The following TAFA1 variants were observed in gnomAD, a reference collection of about 807,000 sequenced individuals.
The protein encoded by TAFA1 is TAFA chemokine like family member 1.
In TAFA1, 4 loss-of-function variants were observed where a neutral mutation model predicts 18.5. The ratio of observed to expected loss-of-function variants is 0.22; its 90% CI spans 0.11 to 0.49. The LOEUF is 0.49. TAFA1 is among the 20% of genes least tolerant of loss of function. TAFA1 has a pLI of 0.98. For synonymous variants in TAFA1, 56 were observed against 55.2 expected (o/e 1.01, Z -0.06); for missense variants, 147 against 169.0 (o/e 0.87, Z 0.72).
At chr3:67,996,921 T>C in the TAFA1 span, among the ~76,000 whole-genome samples, 9 of 152,250 alleles carry the variant, frequency 5.9e-5, no homozygotes, top group African/African-American at 1.9e-4. Flanking sequence ...TAGAGAAATA[T>C]GACACAGAAC....
intron 2 of TAFA1, among the ~76,000 whole-genome samples, chr3:68,256,209 G>A (rs2067295085): frequency 6.6e-6 from 1 of 152,108 alleles, no homozygotes. Flanking sequence ...TCTGGAGGGA[G>A]GTCCTAGTGC....
intron 2 of TAFA1, among the ~76,000 whole-genome samples, chr3:68,331,393 C>T (rs985965309): frequency 6.6e-6 from 1 of 152,068 alleles, no homozygotes; most frequent in Non-Finnish European, 1.5e-5. Context: ...TGTGAATGTA[C>T]TAAATGCCAC....
intron 2 of TAFA1, among the ~76,000 whole-genome samples, chr3:68,323,515 C>G (rs1276413401): frequency 2.6e-5 from 4 of 152,160 alleles, no homozygotes; most frequent in African/African-American, 9.7e-5. Context: ...ATTCTCTGCC[C>G]AAAAGGTTTT....
chr3:68,171,698 G>A (rs2066055861), intron 2 of TAFA1, among the ~76,000 whole-genome samples: 1 of 152,094 alleles, frequency 6.6e-6, no homozygotes, highest in South Asian at 2.1e-4. Flanking sequence ...AAAGAATTGT[G>A]GAGAGTATGA....
At chr3:68,008,047 G>C (rs1704398119) in intron 2 of TAFA1, among the ~76,000 whole-genome samples, 1 of 152,232 alleles carries the variant, frequency 6.6e-6, no homozygotes, top group Admixed American at 6.5e-5. Flanking sequence ...GGGCTGGCTT[G>C]TGCTAGGGGC....
chr3:68,419,382 A>C (rs114184520), intron 3 of TAFA1, among the ~76,000 whole-genome samples: 2 of 152,264 alleles, frequency 1.3e-5, no homozygotes, highest in African/African-American at 4.8e-5. Flanking sequence ...ATAGTGTTCC[A>C]TTCATCCTAT....
At chr3:68,275,176 A>G (rs2067769938) in intron 2 of TAFA1, among the ~76,000 whole-genome samples, 1 of 152,176 alleles carries the variant, frequency 6.6e-6, no homozygotes, top group African/African-American at 2.4e-5. Flanking sequence ...GCAGTGAACT[A>G]GAAAGCAAGA....
intron 2 of TAFA1, among the ~76,000 whole-genome samples, chr3:68,236,122 C>T (rs1293729220): frequency 2.0e-5 from 3 of 152,090 alleles, no homozygotes; most frequent in Non-Finnish European, 2.9e-5. Context: ...CCTTGTTATA[C>T]AAAGTTGATG....
chr3:68,402,275 G>A (rs895010180), intron 2 of TAFA1, among the ~76,000 whole-genome samples: 2 of 152,174 alleles, frequency 1.3e-5, no homozygotes, highest in South Asian at 2.1e-4. Flanking sequence ...TGCCTGGAGA[G>A]GGTCTGTTAA....
At chr3:68,392,357 A>G (rs1325364430) in intron 2 of TAFA1, among the ~76,000 whole-genome samples, 1 of 152,134 alleles carries the variant, frequency 6.6e-6, no homozygotes, top group Admixed American at 6.6e-5. Context: ...CCAGATTCAT[A>G]AAGCAAGTCC....
intron 2 of TAFA1, among the ~76,000 whole-genome samples, chr3:68,378,254 G>A (rs895668173): frequency 2.2e-4 from 34 of 152,192 alleles, no homozygotes; most frequent in South Asian, 1.0e-3. Flanking sequence ...TGCCATGGCT[G>A]TGTGAGCTCA....
intron 2 of TAFA1, among the ~76,000 whole-genome samples, chr3:68,028,325 C>CA (rs999400050): frequency 2.7e-5 from 4 of 150,232 alleles, no homozygotes; most frequent in Admixed American, 6.6e-5. Context: ...CAAAACAAAA[C>CA]AAAAAAGTAT....
At chr3:68,169,046 G>A (rs1467144950) in intron 2 of TAFA1, among the ~76,000 whole-genome samples, 6 of 152,140 alleles carry the variant, frequency 3.9e-5, no homozygotes, top group Admixed American at 1.3e-4. Context: ...CAGTGTCTTA[G>A]ACAAAATAGA....
chr3:68,120,237 CTTTCTTTCTTTCTTT>C (rs2065380788), intron 2 of TAFA1, among the ~76,000 whole-genome samples: 2 of 100,600 alleles, frequency 2.0e-5, no homozygotes, highest in Non-Finnish European at 4.1e-5. Flanking sequence ...TTCTTTCTTT[CTTTCTTTCTTTCTTT>C]CTTTCTTTCT....
chr3:68,423,794 G>A (rs1031578507), intron 3 of TAFA1, among the ~76,000 whole-genome samples: 3 of 150,556 alleles, frequency 2.0e-5, no homozygotes, highest in Non-Finnish European at 4.4e-5. Context: ...GGGGTGGGGG[G>A]CATTTAACTA....
Position 68,231,408 on chromosome 3 carries a change from C to T in TAFA1, c.119-185872C>T, listed in dbSNP as rs918639198. Among the ~76,000 whole-genome samples the T allele has an allele frequency of 1.1e-4, 14 of 127,454 alleles. No individual in the cohort carries two copies. In the South Asian group the frequency reaches 1.2e-3, roughly 11 times the overall value. The allele number at this position is 127,454 out of a possible 152,430, so 83.6% of individuals were successfully genotyped here. ...TCGCTCTGTCGCCCAGGCCGGACTG[C>T]GGACTGCAGTGGCGCAATCTCGGCT... On this transcript the variant is annotated intron_variant, in intron 2 of 4. Transcript: ENST00000478136.
At chr3:68,393,624 G>A (rs2070309140) in intron 2 of TAFA1, among the ~76,000 whole-genome samples, 2 of 152,062 alleles carry the variant, frequency 1.3e-5, no homozygotes, top group African/African-American at 4.8e-5. Context: ...ATAATATACT[G>A]ACAGACCGAA....
At chr3:68,304,887 CA>C (rs1310360761) in intron 2 of TAFA1, among the ~76,000 whole-genome samples, 10 of 152,170 alleles carry the variant, frequency 6.6e-5, no homozygotes, top group African/African-American at 2.4e-4. Flanking sequence ...GTGGGCCAGG[CA>C]AAAGGTCACC....
At chr3:68,341,953 A>C (rs1465947075) in intron 2 of TAFA1, among the ~76,000 whole-genome samples, 6 of 152,292 alleles carry the variant, frequency 3.9e-5, no homozygotes, top group African/African-American at 1.4e-4. Context: ...TTTTGGAACT[A>C]GTGGCATTTT....
Sources: allele counts gnomAD v4.1 joint callset (sites outside exome capture counted in the v4.1 genomes callset), GRCh38; gene constraint gnomAD v4.1.1; transcripts MANE v1.5; gene names NCBI Gene and HGNC (gene_info 2026-07-23, HGNC 2026-07-21).